TACC2: variants seen among roughly 807,000 people sequenced by gnomAD.
TACC2 encodes the protein transforming acidic coiled-coil containing protein 2.
A neutral mutation model predicts 227.3 loss-of-function variants in TACC2; 137 were observed. The observed-to-expected ratio is 0.60, with a 90% confidence interval of 0.52 to 0.69. The LOEUF (loss-of-function observed/expected upper bound fraction) is 0.69, where lower values mean the gene tolerates loss of function less well. Among genes scored for constraint, TACC2 ranks in the 30% least tolerant of loss-of-function variants. The pLI is 0.00. For synonymous variants in TACC2, 1,523 were observed against 1,487.5 expected, an observed-to-expected ratio of 1.02 and a Z score of -0.55; for missense variants, 3,470 against 3,694.4, an observed-to-expected ratio of 0.94 and a Z score of 1.57.
intron 1 of TACC2, among the ~76,000 whole-genome samples, chr10:122,015,707 C>A (rs1357699692): frequency 6.6e-6 from 1 of 151,240 alleles, no homozygotes; most frequent in Non-Finnish European, 1.5e-5. Flanking sequence ...CAAAAGTTAG[C>A]CAGGCATGGT....
In TACC2 at chr10:122,090,476, G is replaced by C. The variant is rs1006321007; in HGVS notation, c.5573+1885G>C. ...GCAGGAGAATGGCGTGAACCCGGGA[G>C]GTGGAGCTTGCAGTGAGCCGAGATT... On this transcript the variant is annotated intron_variant, in intron 5 of 22. Transcript: ENST00000369005. Among the ~76,000 whole-genome samples the C allele has an allele frequency of 1.1e-3, 169 of 150,158 alleles. 2 individuals are homozygous for C. The highest frequency in any genetic ancestry group is 6.9e-3 in the Middle Eastern group (2 of 290).
intron 3 of TACC2, among the ~76,000 whole-genome samples, chr10:122,069,051 C>A (rs977362468): frequency 7.2e-5 from 11 of 151,744 alleles, no homozygotes; most frequent in Non-Finnish European, 1.5e-4. Context: ...CCTGCACATG[C>A]CGATCAGTCC....
intron 3 of TACC2, among the ~76,000 whole-genome samples, chr10:122,057,066 C>A (rs1032692406): frequency 6.6e-6 from 1 of 152,144 alleles, no homozygotes; most frequent in Non-Finnish European, 1.5e-5. Context: ...GTGGCGCACA[C>A]CTGTAGTTTC....
rs1279956227 is a variant in TACC2 at position 122,027,772 on chromosome 10, C to A, written c.33+5758C>A. ...GATTTTTTTTTTTTTTTGACAGAGT[C>A]TCACTCTGTTGCCCAGGCTGGAGTG... is the stretch of plus-strand genomic sequence containing the variant. On this transcript the variant is annotated intron_variant, in intron 2 of 22. Coordinates refer to ENST00000369005, the MANE Select transcript of TACC2 (RefSeq NM_206862.4). Among the ~76,000 whole-genome samples, 3 of 146,966 alleles carry A rather than the reference C, an allele frequency of 2.0e-5. No homozygotes were observed. In the East Asian group the frequency reaches 5.9e-4, roughly 29 times the overall value.
At position 121,989,469 on chromosome 10, in the gene TACC2, C is replaced by T. The variant is rs912481480; in HGVS notation, c.-65C>T. On this transcript the variant is annotated 5_prime_UTR_variant, in exon 1 of 23. Transcript: ENST00000369005. ...TGCTGCAGACACATCAGATTCCCTA[C>T]TGGTAACAGCTGGAGTGCGGTAAGT... The T allele has an allele frequency of 6.6e-6, 1 of 152,246 alleles. No individual in the cohort carries two copies. The highest frequency in any genetic ancestry group is 1.5e-5 in the Non-Finnish European group (1 of 68,070). 9.4% of individuals were successfully genotyped at this position (152,246 alleles called of 1,614,324 possible).
intron 6 of TACC2, among the ~76,000 whole-genome samples, chr10:122,136,454 G>A (rs1022851227): frequency 2.0e-5 from 3 of 151,590 alleles, no homozygotes; most frequent in Admixed American, 1.3e-4. Context: ...ACAGTCCTCG[G>A]GAGAGGTGTG....
At chr10:122,051,985 C>T (rs1205173043) in intron 3 of TACC2, 2 of 152,066 alleles carry the variant, frequency 1.3e-5, no homozygotes, top group African/African-American at 4.8e-5. Flanking sequence ...AATGATCCCT[C>T]AAACAGCACC....
intron 7 of TACC2, chr10:122,192,802 G>A (rs775524537): frequency 3.3e-5 from 15 of 456,548 alleles, no homozygotes; most frequent in Non-Finnish European, 4.4e-6. Context: ...AAAAAGGCAA[G>A]TTATCTCTGT....
intron 7 of TACC2, among the ~76,000 whole-genome samples, chr10:122,187,540 G>A (rs948038185): frequency 1.3e-5 from 2 of 151,894 alleles, no homozygotes; most frequent in African/African-American, 4.8e-5. Context: ...GCCCAGACTG[G>A]AGTGCAGTGG....
chr10:122,125,953 A>AT (rs1165247834), intron 5 of TACC2, among the ~76,000 whole-genome samples: 2 of 151,620 alleles, frequency 1.3e-5, no homozygotes, highest in African/African-American at 4.8e-5. Context: ...ATTTTTTTGT[A>AT]TTTTTAGTAG....
intron 3 of TACC2, among the ~76,000 whole-genome samples, chr10:122,063,525 A>G (rs1298029924): frequency 6.6e-6 from 1 of 152,220 alleles, no homozygotes; most frequent in Non-Finnish European, 1.5e-5. Context: ...TGGTTTCAAC[A>G]GAGCATTTGA....
chr10:122,073,820 G>C (rs1190647823), intron 3 of TACC2, among the ~76,000 whole-genome samples: 7 of 151,820 alleles, frequency 4.6e-5, no homozygotes, highest in Non-Finnish European at 7.4e-5. Flanking sequence ...TGCTTTGTCA[G>C]CCAGGCTGGA....
intron 3 of TACC2, among the ~76,000 whole-genome samples, chr10:122,081,785 G>A (rs1428290863): frequency 2.0e-5 from 3 of 152,292 alleles, no homozygotes; most frequent in South Asian, 4.1e-4. Context: ...CATAGGTCAC[G>A]TGCGGAAATT....
At chr10:122,069,558 A>G (rs753268552) in intron 3 of TACC2, among the ~76,000 whole-genome samples, 94 of 151,926 alleles carry the variant, frequency 6.2e-4, no homozygotes, top group Non-Finnish European at 1.3e-3. Flanking sequence ...GTTTTCTTCT[A>G]TCTCCAGGAT....
At chr10:122,081,024 A>T (rs2079416652) in intron 3 of TACC2, among the ~76,000 whole-genome samples, 1 of 152,236 alleles carries the variant, frequency 6.6e-6, no homozygotes, top group Non-Finnish European at 1.5e-5. Flanking sequence ...TGTTAATAGA[A>T]TATATATGAT....
rs145143823 is a variant in TACC2 at position 122,121,223 on chromosome 10, A to C, written c.5574-11386A>C. 7.9e-5 allele frequency among the ~76,000 whole-genome samples: 12 copies of C among 152,290 alleles called. No homozygotes were observed. In the East Asian group the frequency reaches 2.3e-3, roughly 29 times the overall value. Reference sequence around the variant, plus strand: ...GTACATTCTGTATTTTGTGTTTGGGAAACAGTACATCCTGTAGTGTTTGTC... The same window carrying C: ...GTACATTCTGTATTTTGTGTTTGGGCAACAGTACATCCTGTAGTGTTTGTC... On this transcript the variant is annotated intron_variant, in intron 5 of 22. Coordinates refer to ENST00000369005, the MANE Select transcript of TACC2 (RefSeq NM_206862.4).
intron 5 of TACC2, among the ~76,000 whole-genome samples, chr10:122,093,638 C>G (rs1184729363): frequency 6.6e-6 from 1 of 152,178 alleles, no homozygotes. Context: ...GCATTCACAT[C>G]TCATTGGCCT....
At chr10:122,063,811 TATAC>T (rs956622943) in intron 3 of TACC2, among the ~76,000 whole-genome samples, 1 of 142,536 alleles carries the variant, frequency 7.0e-6, no homozygotes, top group African/African-American at 2.6e-5. Context: ...AATTATATAT[TATAC>T]ATATATATTA....
At chr10:122,104,864 A>T (rs920468614) in intron 5 of TACC2, among the ~76,000 whole-genome samples, 3 of 152,018 alleles carry the variant, frequency 2.0e-5, no homozygotes, top group Non-Finnish European at 4.4e-5. Context: ...ATCTCCCCTT[A>T]CCTCTTCCAA....
Sources: gnomAD v4.1 joint callset for allele counts (sites outside exome capture counted in the v4.1 genomes callset) on GRCh38, gnomAD v4.1.1 for gene constraint, MANE v1.5 for transcripts, NCBI Gene and HGNC (gene_info 2026-07-23, HGNC 2026-07-21) for gene names.